The following NAA11 variants were observed in gnomAD, a reference collection of about 807,000 sequenced individuals.
NAA11 encodes the protein N-alpha-acetyltransferase 11, NatA catalytic subunit.
Under a neutral mutation model 16.1 loss-of-function variants are expected in NAA11, and 15 were observed. That is an observed-to-expected ratio of 0.93 (90% CI 0.62 to 1.44). The LOEUF (loss-of-function observed/expected upper bound fraction) is 1.44. NAA11 is among the 40% of genes most tolerant of loss of function. The probability of loss-of-function intolerance (pLI) is 0.00; values close to 1 mark genes in which losing one functional copy is unlikely to be tolerated. For missense variants in NAA11, 298 were observed against 291.3 expected, an observed-to-expected ratio of 1.02 and a Z score of -0.17; for synonymous variants, 122 against 112.4, an observed-to-expected ratio of 1.09 and a Z score of -0.54.
the NAA11 span, among the ~76,000 whole-genome samples, chr4:79,207,367 TAAA>T: frequency 1.7e-5 from 2 of 115,890 alleles, no homozygotes; most frequent in Admixed American, 9.4e-5. Flanking sequence ...TGAATGAGGT[TAAA>T]AAAAAAAAAA....
Position 79,325,338 on chromosome 4 carries a change from G to A in NAA11, c.540C>T (p.Thr180=). 1 of 1,613,856 alleles carries A rather than the reference G, an allele frequency of 6.2e-7. No individual in the cohort carries two copies. Among genetic ancestry groups the A allele is most frequent in the Non-Finnish European group, 8.5e-7 (1 of 1,179,866 alleles). ...CAGAATCAGAAAGTGTGCTGCCCTG[G>A]GTCTCCTGGTTCTCCCTGGAGCCCA... ...VVLGSRENQE[T]QGSTLSDSEE... The change falls in exon 1 of 2, where the codon ACC becomes ACT. Residue 180 remains threonine, a synonymous_variant. Transcript: ENST00000286794.
rs1168647476 is a variant in NAA11, at chr4:79,266,649, G to GGAAAGAGA, written c.*122+27355_*122+27356insTCTCTTTC. Among the ~76,000 whole-genome samples, 9 of 152,224 alleles carry GGAAAGAGA rather than the reference G, an allele frequency of 5.9e-5. No homozygotes were observed. In the East Asian group the frequency reaches 1.4e-3, roughly 23 times the overall value. Reference sequence around the variant, plus strand: ...AACACAGAAGAATCCTTTTGCACAAGGAAAGAATAATTTTATAAAACGTAT... The same window carrying GGAAAGAGA: ...AACACAGAAGAATCCTTTTGCACAAGGAAAGAGAGAAAGAATAATTTTATAAAACGTAT... On this transcript the variant is annotated intron_variant and NMD_transcript_variant, in intron 2 of 2. Coordinates refer to the NAA11 transcript ENST00000511542.
At chr4:79,296,631 C>A (rs1723229100) in intron 1 of NAA11, among the ~76,000 whole-genome samples, 1 of 152,138 alleles carries the variant, frequency 6.6e-6, no homozygotes, top group Non-Finnish European at 1.5e-5. Context: ...TCATTTAATT[C>A]CCTTGCTCAA....
downstream of NAA11, among the ~76,000 whole-genome samples, chr4:79,316,045 G>C (rs1280028333): frequency 1.3e-5 from 2 of 152,102 alleles, no homozygotes; most frequent in African/African-American, 2.4e-5. Flanking sequence ...CAAGTTACTA[G>C]AGACAGCAAG....
the NAA11 span, among the ~76,000 whole-genome samples, chr4:79,218,663 T>A: frequency 6.6e-6 from 1 of 152,070 alleles, no homozygotes; most frequent in Non-Finnish European, 1.5e-5. Context: ...CGCTATTTTT[T>A]AATATTTTAA....
intron 2 of NAA11, among the ~76,000 whole-genome samples, chr4:79,242,969 C>T (rs373175048): frequency 2.0e-5 from 3 of 152,270 alleles, no homozygotes; most frequent in African/African-American, 7.2e-5. Flanking sequence ...TTAAGGAAGC[C>T]CACTGCTTAC....
chr4:79,223,003 T>C (rs1430197541), downstream of NAA11, among the ~76,000 whole-genome samples: 3 of 140,494 alleles, frequency 2.1e-5, no homozygotes, highest in Non-Finnish European at 3.1e-5. Context: ...CAACAGGTGC[T>C]GGAGAGGATG....
chr4:79,196,258 T>A, the NAA11 span, among the ~76,000 whole-genome samples: 7 of 152,086 alleles, frequency 4.6e-5, no homozygotes, highest in East Asian at 1.4e-3. Flanking sequence ...TGCAGGGGTG[T>A]ATAAGCTCAG....
chr4:79,210,231 G>A, the NAA11 span, among the ~76,000 whole-genome samples: 2 of 152,106 alleles, frequency 1.3e-5, no homozygotes, highest in Admixed American at 1.3e-4. Flanking sequence ...GCAGTGGAAA[G>A]TTACAGTTAG....
At chr4:79,213,760 C>T in the NAA11 span, among the ~76,000 whole-genome samples, 1 of 152,100 alleles carries the variant, frequency 6.6e-6, no homozygotes, top group Non-Finnish European at 1.5e-5. Context: ...TACATGGAAT[C>T]CCTTATGTCC....
At chr4:79,159,462 G>A in the NAA11 span, among the ~76,000 whole-genome samples, 1 of 152,062 alleles carries the variant, frequency 6.6e-6, no homozygotes, top group Non-Finnish European at 1.5e-5. Context: ...CAGTGAAAAA[G>A]GACATTTCTA....
the NAA11 span, among the ~76,000 whole-genome samples, chr4:79,179,284 C>T: frequency 4.6e-5 from 7 of 151,984 alleles, no homozygotes; most frequent in African/African-American, 9.7e-5. Context: ...TAAGAGAGAG[C>T]GGAAATTCTA....
chr4:79,280,851 A>T (rs1397153346), intron 2 of NAA11, among the ~76,000 whole-genome samples: 1 of 152,072 alleles, frequency 6.6e-6, no homozygotes, highest in East Asian at 1.9e-4. Flanking sequence ...TAATATAAAG[A>T]AAGTTATAGG....
intron 2 of NAA11, among the ~76,000 whole-genome samples, chr4:79,268,810 T>C (rs1424499430): frequency 1.3e-4 from 19 of 149,618 alleles, no homozygotes; most frequent in East Asian, 6.0e-4. Flanking sequence ...ACTAACTCGT[T>C]ATCTAGCATT....
chr4:79,275,736 A>C (rs918100451), intron 2 of NAA11, among the ~76,000 whole-genome samples: 1 of 152,122 alleles, frequency 6.6e-6, no homozygotes, highest in Non-Finnish European at 1.5e-5. Context: ...GATAAGGATT[A>C]TAAAACTGAG....
the NAA11 span, among the ~76,000 whole-genome samples, chr4:79,156,820 C>A: frequency 6.6e-6 from 1 of 152,134 alleles, no homozygotes; most frequent in Non-Finnish European, 1.5e-5. Flanking sequence ...GTATCCAAAT[C>A]TTCTTATTTC....
chr4:79,277,939 T>TA (rs577610529), intron 2 of NAA11, among the ~76,000 whole-genome samples: 127 of 147,094 alleles, frequency 8.6e-4, no homozygotes, highest in Middle Eastern at 3.4e-3. Flanking sequence ...AAAAGAAAAT[T>TA]AAAAAAAAAA....
chr4:79,307,461 T>C (rs1247525709), intron 1 of NAA11, among the ~76,000 whole-genome samples: 3 of 152,192 alleles, frequency 2.0e-5, no homozygotes. Context: ...TTTTATATGG[T>C]AGAATATGAG....
At chr4:79,158,621 T>C in the NAA11 span, among the ~76,000 whole-genome samples, 11 of 150,068 alleles carry the variant, frequency 7.3e-5, no homozygotes, top group Non-Finnish European at 1.5e-4. Context: ...CTAAAATTCA[T>C]ATGGAACCAA....
Sources: gnomAD v4.1 joint callset for allele counts (sites outside exome capture counted in the v4.1 genomes callset) on GRCh38, gnomAD v4.1.1 for gene constraint, MANE v1.5 for transcripts, NCBI Gene and HGNC (gene_info 2026-07-23, HGNC 2026-07-21) for gene names.